The following DYSF variants were observed in gnomAD, a reference collection of about 807,000 sequenced individuals.
DYSF encodes dystrophy-associated fer-1-like 1.
DYSF carries 212 observed loss-of-function variants against 274.9 expected under a neutral mutation model. The observed-to-expected ratio is 0.77, with a 90% CI of 0.69 to 0.86. The LOEUF (loss-of-function observed/expected upper bound fraction) is 0.86. DYSF is among the 40% of genes least tolerant of loss of function. DYSF has a pLI of 0.00. For missense variants in DYSF, 2,666 were observed against 2,783.2 expected (o/e 0.96, Z 0.95); for synonymous variants, 1,091 against 1,078.7 (o/e 1.01, Z -0.22).
At position 71,589,687 on chromosome 2, in the gene DYSF, G is replaced by A. The variant is rs1486303961; in HGVS notation, c.3496+1G>A. The A allele has an allele frequency of 6.2e-7, 1 of 1,613,770 alleles. No homozygotes were observed. The highest frequency in any genetic ancestry group is 8.5e-7 in the Non-Finnish European group (1 of 1,179,766). ...CCCACGATTTCCTGCATATTCGACT[G>A]TAAGTGAGGCTTCGAGGCCTCTATG... On this transcript the variant is annotated splice_donor_variant, in intron 31 of 55. Transcript: ENST00000410020. LOFTEE classifies it high-confidence loss of function.
intron 45 of DYSF, among the ~76,000 whole-genome samples, chr2:71,662,224 A>G (rs911766313): frequency 2.6e-5 from 4 of 152,170 alleles, no homozygotes; most frequent in South Asian, 2.1e-4. Flanking sequence ...TTTTGTCACC[A>G]TGTATTCCAT....
intron 1 of DYSF, among the ~76,000 whole-genome samples, chr2:71,461,180 A>G (rs969871022): frequency 2.6e-5 from 4 of 152,138 alleles, no homozygotes; most frequent in African/African-American, 9.7e-5. Context: ...CCAACTCCAC[A>G]GTCTAGCTAG....
rs373900375 is a variant in DYSF at position 71,481,939 on chromosome 2, G to A, written c.208G>A (p.Val70Ile). ...CCAGGGCTCTGAGCTTCATGTGGTG[G>A]TCAAAGACCATGAGACGATGGGGAG... Reference protein sequence around the residue: ...LDQGSELHVVVKDHETMGRNR... With the variant: ...LDQGSELHVVIKDHETMGRNR... The change falls in exon 3 of 56, where the codon GTC (valine) becomes ATC (isoleucine). Residue 70 changes from valine (V) to isoleucine (I), a missense_variant. Val to Ile is a conservative substitution (Grantham distance 29, BLOSUM62 3). Transcript: ENST00000410020. 3 of 1,614,068 alleles carry A rather than the reference G, an allele frequency of 1.9e-6. No individual in the cohort carries two copies. The African/African-American group carries it at 4.0e-5, about 22-fold the overall frequency.
intron 32 of DYSF, among the ~76,000 whole-genome samples, chr2:71,596,891 C>T (rs1355464159): frequency 6.6e-6 from 1 of 152,188 alleles, no homozygotes; most frequent in African/African-American, 2.4e-5. Context: ...AACTTAGATA[C>T]CTCCTGCTCT....
chr2:71,678,206 G>A (rs1313020669), intron 52 of DYSF, among the ~76,000 whole-genome samples: 4 of 152,108 alleles, frequency 2.6e-5, no homozygotes, highest in Non-Finnish European at 4.4e-5. Context: ...GTTTAAGTAC[G>A]TATGTGTGGA....
chr2:71,468,334 A>G (rs559097958), intron 1 of DYSF, among the ~76,000 whole-genome samples: 127 of 152,322 alleles, frequency 8.3e-4, no homozygotes, highest in African/African-American at 2.9e-3. Context: ...GTCCTGTAAC[A>G]GTCCTGTGGT....
chr2:71,461,734 T>TCCA (rs2081292115), upstream of DYSF, among the ~76,000 whole-genome samples: 1 of 152,176 alleles, frequency 6.6e-6, no homozygotes, highest in South Asian at 2.1e-4. Flanking sequence ...TGGTAAGACT[T>TCCA]GGTGGAGTCA....
intron 41 of DYSF, among the ~76,000 whole-genome samples, chr2:71,628,634 TA>T (rs2094254161): frequency 6.6e-6 from 1 of 152,162 alleles, no homozygotes; most frequent in Non-Finnish European, 1.5e-5. Flanking sequence ...TCTGAGGACT[TA>T]AAAAAATTTT....
intron 55 of DYSF, among the ~76,000 whole-genome samples, chr2:71,685,711 T>TG (rs1395394066): frequency 6.6e-6 from 1 of 152,002 alleles, no homozygotes; most frequent in Non-Finnish European, 1.5e-5. Context: ...AGGGCCAGCG[T>TG]GGGGAGGCAG....
intron 1 of DYSF, among the ~76,000 whole-genome samples, chr2:71,471,158 A>G (rs971771323): frequency 1.3e-5 from 2 of 152,226 alleles, no homozygotes; most frequent in African/African-American, 4.8e-5. Context: ...CAGAAAGGCC[A>G]TGAGGCAAGA....
chr2:71,525,735 G>A (rs1330606277), intron 12 of DYSF, among the ~76,000 whole-genome samples: 2 of 152,150 alleles, frequency 1.3e-5, no homozygotes, highest in Non-Finnish European at 2.9e-5. Context: ...GGAACAGGGT[G>A]CTTATTCATG....
At position 71,561,743 on chromosome 2, in the gene DYSF, C is replaced by G. The variant is rs1277975223; in HGVS notation, c.2217-9C>G. The G allele has an allele frequency of 6.2e-7, 1 of 1,613,998 alleles. No individual in the cohort carries two copies. Among genetic ancestry groups the G allele is most frequent in the Non-Finnish European group, 8.5e-7 (1 of 1,179,988 alleles). ...CATCAGGCGCATTCCATCTGTCCGT[C>G]CCTCACAGCCAGCCTCTGGGTGACA... is the stretch of plus-strand genomic sequence containing the variant. On this transcript the variant is annotated splice_polypyrimidine_tract_variant and intron_variant, in intron 22 of 55. Coordinates refer to ENST00000410020, the MANE Select transcript of DYSF (RefSeq NM_001130987.2).
In DYSF at chr2:71,669,212, G is replaced by T. The variant is rs1275946057; in HGVS notation, c.5642+5G>T. 6.3e-7 allele frequency: 1 copy of T among 1,599,602 alleles called. No homozygotes were observed. ...GAGCGACATTTATGTGAAAGGGTAG[G>T]GAGCCAGCGTCCTCTTGCCTGTCCA... is the stretch of plus-strand genomic sequence containing the variant. On this transcript the variant is annotated splice_donor_5th_base_variant and intron_variant, in intron 50 of 55. Coordinates refer to ENST00000410020, the MANE Select transcript of DYSF (RefSeq NM_001130987.2).
chr2:71,500,554 G>A (rs1451831607), intron 3 of DYSF, among the ~76,000 whole-genome samples: 2 of 152,232 alleles, frequency 1.3e-5, no homozygotes, highest in South Asian at 4.1e-4. Flanking sequence ...TGGCAGGGGT[G>A]GGGGTGCTAC....
chr2:71,582,778 A>G (rs988242043), intron 30 of DYSF, among the ~76,000 whole-genome samples: 5 of 152,200 alleles, frequency 3.3e-5, no homozygotes, highest in Admixed American at 3.3e-4. Flanking sequence ...CTGAACACAG[A>G]GCTGGGAAGA....
At chr2:71,569,059 A>G (rs1405700567) in intron 26 of DYSF, among the ~76,000 whole-genome samples, 1 of 151,878 alleles carries the variant, frequency 6.6e-6, no homozygotes, top group Non-Finnish European at 1.5e-5. Context: ...GTATTTTAGT[A>G]GAGACGAGGT....
intron 22 of DYSF, among the ~76,000 whole-genome samples, chr2:71,561,023 G>A (rs938987555): frequency 6.6e-6 from 1 of 152,314 alleles, no homozygotes; most frequent in East Asian, 1.9e-4. Flanking sequence ...GCCATATGAA[G>A]GACTTTCAGG....
At chr2:71,631,470 T>TC (rs2094311198) in intron 41 of DYSF, among the ~76,000 whole-genome samples, 3 of 152,246 alleles carry the variant, frequency 2.0e-5, no homozygotes, top group South Asian at 4.2e-4. Context: ...AAGCCTGGCC[T>TC]CCCCCCACTC....
intron 7 of DYSF, 42 bp from the exon 8 acceptor site, chr2:71,515,581 T>G (rs2152734256): frequency 6.2e-7 from 1 of 1,613,884 alleles, no homozygotes; most frequent in East Asian, 2.2e-5. Context: ...GGTCCTTAAC[T>G]CTTCCCCCTT....
Sources: gnomAD v4.1 joint callset for allele counts (sites outside exome capture counted in the v4.1 genomes callset) on GRCh38, gnomAD v4.1.1 for gene constraint, MANE v1.5 for transcripts, NCBI Gene and HGNC (gene_info 2026-07-23, HGNC 2026-07-21) for gene names.